The following TSHZ3 variants were observed in gnomAD, a reference collection of about 807,000 sequenced individuals.
TSHZ3 encodes teashirt homolog 3.
TSHZ3 carries 10 observed loss-of-function variants against 64.5 expected under a neutral mutation model. The ratio of observed to expected loss-of-function variants is 0.16; its 90% confidence interval spans 0.10 to 0.26. The LOEUF (loss-of-function observed/expected upper bound fraction) is 0.26, where lower values mean the gene tolerates loss of function less well. TSHZ3 is among the 10% of genes least tolerant of loss of function. The pLI, the probability that TSHZ3 is intolerant of heterozygous loss-of-function variation, is 1.00. For missense variants in TSHZ3, 1,242 were observed against 1,421.7 expected (o/e 0.87, Z 2.03); for synonymous variants, 608 against 593.1 (o/e 1.03, Z -0.36).
chr19:31,217,710 G>A (rs948633486), intron 4 of TSHZ3, among the ~76,000 whole-genome samples: 3 of 152,090 alleles, frequency 2.0e-5, no homozygotes, highest in South Asian at 2.1e-4. Context: ...TGCATTCTAC[G>A]AGTTTAGATC....
chr19:31,196,068 A>C (rs1217327226), intron 5 of TSHZ3, among the ~76,000 whole-genome samples: 1 of 151,694 alleles, frequency 6.6e-6, no homozygotes, highest in African/African-American at 2.4e-5. Flanking sequence ...AAGGCATGAC[A>C]TTGTGTGTGT....
chr19:31,225,773 C>T (rs1312428113), intron 4 of TSHZ3, among the ~76,000 whole-genome samples: 11 of 152,128 alleles, frequency 7.2e-5, no homozygotes, highest in Non-Finnish European at 1.5e-4. Context: ...ATTTCCTTTG[C>T]TCTCACTCAT....
intron 1 of TSHZ3, among the ~76,000 whole-genome samples, chr19:31,337,729 AC>A (rs1917293954): frequency 6.6e-6 from 1 of 150,396 alleles, no homozygotes; most frequent in Non-Finnish European, 1.5e-5. Flanking sequence ...AAACACACAC[AC>A]ACACACACAC....
chr19:31,180,255 G>T (rs1277290749), intron 5 of TSHZ3, among the ~76,000 whole-genome samples: 3 of 152,090 alleles, frequency 2.0e-5, no homozygotes, highest in Non-Finnish European at 2.9e-5. Context: ...ATGAACGAAT[G>T]AATGAATGAA....
intron 4 of TSHZ3, among the ~76,000 whole-genome samples, chr19:31,220,885 A>G (rs1434062319): frequency 2.6e-5 from 4 of 152,226 alleles, no homozygotes; most frequent in Middle Eastern, 3.2e-3. Context: ...TGAAATTTCA[A>G]TGAAGACTGA....
At chr19:31,287,620 T>A (rs1370179733) in intron 1 of TSHZ3, among the ~76,000 whole-genome samples, 1 of 151,266 alleles carries the variant, frequency 6.6e-6, no homozygotes, top group Admixed American at 6.6e-5. Context: ...AAGAGAAGAA[T>A]CCACTAGGGC....
intron 1 of TSHZ3, among the ~76,000 whole-genome samples, chr19:31,310,850 T>A (rs1210532941): frequency 6.6e-6 from 1 of 152,244 alleles, no homozygotes; most frequent in Non-Finnish European, 1.5e-5. Context: ...GTGGCAAGCA[T>A]TCAGTAAAGA....
chr19:31,291,185 C>A (rs1447868829), intron 1 of TSHZ3, among the ~76,000 whole-genome samples: 1 of 152,168 alleles, frequency 6.6e-6, no homozygotes, highest in Non-Finnish European at 1.5e-5. Context: ...TGCTGGAAGC[C>A]CCAGCCGGTT....
chr19:31,218,857 T>C (rs928979449), intron 4 of TSHZ3, among the ~76,000 whole-genome samples: 6 of 152,202 alleles, frequency 3.9e-5, no homozygotes, highest in African/African-American at 1.4e-4. Flanking sequence ...TGTTATAACA[T>C]TATTTTCTAA....
chr19:31,277,513 C>G lies in TSHZ3; in HGVS notation c.2280G>C (p.Lys760Asn). 1.2e-6 allele frequency: 2 copies of G among 1,605,878 alleles called. No individual in the cohort carries two copies. The highest frequency in any genetic ancestry group is 1.7e-4 in the Middle Eastern group (1 of 6,030). The change falls in exon 2 of 2, where the codon AAG becomes AAC. Residue 760 changes from lysine (K) to asparagine (N), a missense_variant. By Grantham distance (94) the Lys-to-Asn change is moderately conservative. Around this residue, in one of 4 missense-constraint regions of TSHZ3, gnomAD observed 550 missense variants for 545.1 expected, o/e 1.01. Transcript: ENST00000240587. This position sits in a 1 kb window ranked among gnomAD's most constrained non-coding sequence, Gnocchi z 4.5. Reference protein sequence around the residue: ...LFKMSNSLAEKAAVATPPPLQ... With the variant: ...LFKMSNSLAENAAVATPPPLQ... ...GGGGCGGCGGGGTGGCCACAGCAGC[C>G]TTCTCCGCCAGGCTGTTGCTCATCT...
At chr19:31,253,188 C>G (rs1975864115) in intron 1 of TSHZ3, among the ~76,000 whole-genome samples, 1 of 152,096 alleles carries the variant, frequency 6.6e-6, no homozygotes, top group Non-Finnish European at 1.5e-5. Context: ...TTCCCAGGGA[C>G]AGGGGTAGTT....
At chr19:31,182,511 C>G (rs1447734025) in intron 5 of TSHZ3, among the ~76,000 whole-genome samples, 1 of 152,162 alleles carries the variant, frequency 6.6e-6, no homozygotes, top group African/African-American at 2.4e-5. Flanking sequence ...AAATCCTAGG[C>G]AGGTCTGAGG....
Position 31,182,101 on chromosome 19 carries a change from T to C in TSHZ3, n.809+22855A>G, listed in dbSNP as rs562227166. ...GCTCTACATAGAGATAAAGTAATTT[T>C]TACTATTCCTCCAATGTGGAATAGG... On this transcript the variant is annotated intron_variant and non_coding_transcript_variant, in intron 5 of 6. Coordinates refer to the TSHZ3 transcript ENST00000651361. 3.9e-5 allele frequency among the ~76,000 whole-genome samples: 6 copies of C among 152,284 alleles called. No homozygotes were observed. The South Asian group carries it at 6.2e-4, about 16-fold the overall frequency.
chr19:31,266,083 A>G (rs994809091), intron 1 of TSHZ3, among the ~76,000 whole-genome samples: 2 of 152,198 alleles, frequency 1.3e-5, no homozygotes, highest in Non-Finnish European at 2.9e-5. Context: ...AGTGGAGAGC[A>G]GTGTTTGTTA....
chr19:31,276,403 T>G lies in TSHZ3; in HGVS notation c.*144A>C. On this transcript the variant is annotated 3_prime_UTR_variant, in exon 2 of 2. Coordinates refer to ENST00000240587, the MANE Select transcript of TSHZ3 (RefSeq NM_020856.4). ...TGCACCTCTATTAAACACTGTACAG[T>G]TATACAAAACAGTCCAGCCCAGAGT... is the stretch of plus-strand genomic sequence containing the variant. 1 of 766,014 alleles carries G rather than the reference T, an allele frequency of 1.3e-6. No homozygotes were observed. The highest frequency in any genetic ancestry group is 2.1e-6 in the Non-Finnish European group (1 of 476,728). The allele number at this position is 766,014 out of a possible 1,614,324, so 47.5% of individuals were successfully genotyped here. A position where few individuals can be genotyped will look rare whatever the true frequency, so the allele number is the denominator to read the frequency against.
exon 4 of TSHZ3, among the ~76,000 whole-genome samples, chr19:31,228,030 G>T (rs1975492030): frequency 6.6e-6 from 1 of 152,150 alleles, no homozygotes; most frequent in Non-Finnish European, 1.5e-5. Context: ...GCCTCCCAGT[G>T]GGTCTTCCCA....
At chr19:31,189,154 CT>C (rs1437359246) in intron 5 of TSHZ3, among the ~76,000 whole-genome samples, 1 of 151,814 alleles carries the variant, frequency 6.6e-6, no homozygotes, top group Non-Finnish European at 1.5e-5. Flanking sequence ...TGTGTTTCCC[CT>C]CTTCTGTTTT....
At chr19:31,182,358 A>G (rs986934358) in intron 5 of TSHZ3, among the ~76,000 whole-genome samples, 1 of 151,904 alleles carries the variant, frequency 6.6e-6, no homozygotes, top group Admixed American at 6.5e-5. Context: ...CCCTCAGACA[A>G]TAATCCTCAG....
At chr19:31,204,585 G>A (rs1416629944) in intron 5 of TSHZ3, among the ~76,000 whole-genome samples, 2 of 152,166 alleles carry the variant, frequency 1.3e-5, no homozygotes, top group Non-Finnish European at 2.9e-5. Context: ...GTAGAATGTT[G>A]TTGTTATTGT....
Sources: allele counts gnomAD v4.1 joint callset (sites outside exome capture counted in the v4.1 genomes callset), GRCh38; gene constraint gnomAD v4.1.1; regional missense constraint gnomAD v4.1.1; non-coding constraint Gnocchi (gnomAD v3.1); transcripts MANE v1.5; gene names NCBI Gene and HGNC (gene_info 2026-07-23, HGNC 2026-07-21).